The following ROBO1 variants were observed in gnomAD, a reference collection of about 807,000 sequenced individuals.
ROBO1 encodes the protein roundabout guidance receptor 1.
ROBO1 carries 149 observed loss-of-function variants against 195.9 expected under a neutral mutation model. The ratio of observed to expected loss-of-function variants is 0.76; its 90% confidence interval spans 0.67 to 0.87. The LOEUF is 0.87. Among genes scored for constraint, ROBO1 ranks in the 40% least tolerant of loss-of-function variants. The pLI is 0.00. For missense variants in ROBO1, 1,933 were observed against 2,068.3 expected, an observed-to-expected ratio of 0.93 and a Z score of 1.27; for synonymous variants, 816 against 733.2, an observed-to-expected ratio of 1.11 and a Z score of -1.82.
chr3:79,227,175 C>T (rs2108841683), intron 2 of ROBO1, among the ~76,000 whole-genome samples: 1 of 152,208 alleles, frequency 6.6e-6, no homozygotes, highest in Middle Eastern at 3.4e-3. Context: ...CTTTGTGACA[C>T]CCCCTATTTG....
rs1320495071 is a variant in ROBO1 at position 79,424,508 on chromosome 3, A to G, written c.88+165316T>C. ...TTGTTTCTTCATGTATTCATATTCAATAAACATTCAAAGGCTCACAATATG... is the reference window on the plus strand; with the variant it reads ...TTGTTTCTTCATGTATTCATATTCAGTAAACATTCAAAGGCTCACAATATG... On this transcript the variant is annotated intron_variant, in intron 2 of 30. Coordinates refer to ENST00000464233, the MANE Select transcript of ROBO1 (RefSeq NM_002941.4). Among the ~76,000 whole-genome samples the G allele has an allele frequency of 2.0e-5, 3 of 152,154 alleles. No homozygotes were observed. In the East Asian group the frequency reaches 5.8e-4, roughly 29 times the overall value.
chr3:78,896,760 T>G (rs2037263880), intron 4 of ROBO1, among the ~76,000 whole-genome samples: 1 of 151,782 alleles, frequency 6.6e-6, no homozygotes. Flanking sequence ...GATAATTTCA[T>G]CAGCGCTTTG....
intron 10 of ROBO1, among the ~76,000 whole-genome samples, chr3:78,674,537 G>A (rs547340827): frequency 2.0e-5 from 3 of 152,276 alleles, no homozygotes; most frequent in Admixed American, 6.5e-5. Context: ...AAAAAACAGT[G>A]CCAAAACAGC....
At chr3:78,943,275 A>T (rs891309232) in intron 3 of ROBO1, among the ~76,000 whole-genome samples, 2 of 152,132 alleles carry the variant, frequency 1.3e-5, no homozygotes, top group Non-Finnish European at 2.9e-5. Context: ...TAGAGAGATG[A>T]TGTACAGGAA....
chr3:78,626,252 C>T (rs41361448), intron 26 of ROBO1, among the ~76,000 whole-genome samples: 2,622 of 152,186 alleles, frequency 0.017, 65 homozygotes, highest in African/African-American at 0.056. Context: ...AAAGAAGTGC[C>T]TTATTTGCTC....
chr3:79,670,687 G>A (rs553639009), intron 1 of ROBO1, among the ~76,000 whole-genome samples: 5 of 151,804 alleles, frequency 3.3e-5, no homozygotes, highest in African/African-American at 9.7e-5. Flanking sequence ...CTATTAAGAC[G>A]TAAGAAGCAT....
intron 2 of ROBO1, among the ~76,000 whole-genome samples, chr3:79,370,973 G>A (rs1229089295): frequency 6.6e-6 from 1 of 152,054 alleles, no homozygotes; most frequent in African/African-American, 2.4e-5. Flanking sequence ...TGCTGAGAAG[G>A]ATGGTTTCCA....
intron 3 of ROBO1, among the ~76,000 whole-genome samples, chr3:78,950,051 C>T (rs375664986): frequency 6.6e-6 from 1 of 152,010 alleles, no homozygotes; most frequent in Non-Finnish European, 1.5e-5. Context: ...GAACACTTTT[C>T]CACTGTTGGT....
chr3:79,543,460 G>C (rs575509343), intron 2 of ROBO1, among the ~76,000 whole-genome samples: 2 of 152,064 alleles, frequency 1.3e-5, no homozygotes, highest in East Asian at 3.9e-4. Context: ...AATTGGTAAA[G>C]AGATAGTGCA....
intron 2 of ROBO1, among the ~76,000 whole-genome samples, chr3:79,149,461 C>A (rs2080719720): frequency 6.6e-6 from 1 of 151,784 alleles, no homozygotes; most frequent in Non-Finnish European, 1.5e-5. Flanking sequence ...ATTCCACATC[C>A]TAGCAATATC....
chr3:79,391,741 T>C (rs1300368362), intron 2 of ROBO1, among the ~76,000 whole-genome samples: 2 of 152,170 alleles, frequency 1.3e-5, no homozygotes, highest in Non-Finnish European at 2.9e-5. Context: ...AAATATACTG[T>C]TATAGCCACT....
rs60938373 is a variant in ROBO1 at position 79,750,950 on chromosome 3, A to T, written c.-51+16802T>A. ...TGTGGCTAAAATAAACAAACCATTA[A>T]TTTTTTAATATACTTGGTTGTTCTA... On this transcript the variant is annotated intron_variant, in intron 1 of 30. Transcript: ENST00000464233. 7.3e-3 allele frequency among the ~76,000 whole-genome samples: 1,107 copies of T among 152,272 alleles called. 12 individuals carry two copies. Among genetic ancestry groups the T allele is most frequent in the African/African-American group, 0.025 (1,039 of 41,556 alleles).
chr3:78,805,817 A>G (rs2084520377), intron 4 of ROBO1, among the ~76,000 whole-genome samples: 5 of 152,178 alleles, frequency 3.3e-5, no homozygotes, highest in Admixed American at 3.3e-4. Context: ...AATAAAGTTC[A>G]TAATACATAG....
At chr3:79,380,564 C>A (rs1422769377) in intron 2 of ROBO1, among the ~76,000 whole-genome samples, 1 of 152,044 alleles carries the variant, frequency 6.6e-6, no homozygotes, top group African/African-American at 2.4e-5. Flanking sequence ...ATTTTGCTAA[C>A]CTTTTCTTAG....
chr3:78,943,182 C>T (rs1349029904), intron 3 of ROBO1, among the ~76,000 whole-genome samples: 1 of 152,130 alleles, frequency 6.6e-6, no homozygotes, highest in Admixed American at 6.5e-5. Context: ...TGCCACTGCA[C>T]TCCAGCCTGG....
At chr3:78,606,674 C>T in intron 29 of ROBO1, 59 bp downstream of exon 29, 1 of 1,537,742 alleles carries the variant, frequency 6.5e-7, no homozygotes, top group East Asian at 2.3e-5. Context: ...TAGAGCCTAA[C>T]TGTATGCCTT....
rs553107416 is a variant in ROBO1, at chr3:79,631,786, A to T, written c.-50-41825T>A. Among the ~76,000 whole-genome samples, 28 of 152,248 alleles carry T rather than the reference A, an allele frequency of 1.8e-4. No individual in the cohort carries two copies. The South Asian group carries it at 5.0e-3, about 27-fold the overall frequency. On this transcript the variant is annotated intron_variant, in intron 1 of 30. Coordinates refer to ENST00000464233, the MANE Select transcript of ROBO1 (RefSeq NM_002941.4). ...ACTCAAACAGTTCAATAAGAGAAAA[A>T]ACAAGTAAACCCATTAAAAAGTGGG...
rs780605458 is a variant in ROBO1 at position 78,667,932 on chromosome 3, T to A, written c.1917A>T (p.Ala639=). The A allele has an allele frequency of 4.2e-5, 67 of 1,613,820 alleles. No homozygotes were observed. The highest frequency in any genetic ancestry group is 5.6e-5 in the Non-Finnish European group (66 of 1,179,770). Residue 639 remains alanine (A), a synonymous_variant, in exon 14 of 31, where the codon GCA becomes GCT. Transcript: ENST00000464233. ...IYLFLVRAAN[A]YGISDPSQIS... is the part of the protein sequence containing the mutation. ...TTTGGCTTGGATCACTAATTCCATATGCATTAGCTGCCCTCACAAGGAAAA... is the reference window on the plus strand; with the variant it reads ...TTTGGCTTGGATCACTAATTCCATAAGCATTAGCTGCCCTCACAAGGAAAA...
At chr3:79,303,753 T>G (rs1225381253) in intron 2 of ROBO1, among the ~76,000 whole-genome samples, 1 of 152,160 alleles carries the variant, frequency 6.6e-6, no homozygotes, top group Non-Finnish European at 1.5e-5. Context: ...CGTTAAACTA[T>G]GCTTTGACCA....
Sources: allele counts gnomAD v4.1 joint callset (sites outside exome capture counted in the v4.1 genomes callset), GRCh38; gene constraint gnomAD v4.1.1; transcripts MANE v1.5; gene names NCBI Gene and HGNC (gene_info 2026-07-23, HGNC 2026-07-21).